Variants in RADIL observed in about 807,000 individuals in gnomAD.
RADIL encodes Rap associating with DIL domain, also known as ras-associating and dilute domain-containing protein.
A neutral mutation model predicts 97.6 loss-of-function variants in RADIL; 99 were observed. The observed-to-expected ratio is 1.01, with a 90% CI of 0.86 to 1.20. RADIL has a LOEUF of 1.20. Ranked by LOEUF, RADIL falls within the 50% of genes most tolerant of loss-of-function variation. The pLI, the probability that RADIL is intolerant of heterozygous loss-of-function variation, is 0.00. For missense variants in RADIL, 1,765 were observed against 1,498.9 expected (o/e 1.18, Z -2.93); for synonymous variants, 803 against 691.8 (o/e 1.16, Z -2.52).
chr7:4,824,208 G>A lies in RADIL; in HGVS notation c.1455-1654C>T, dbSNP rs1465372823. On this transcript the variant is annotated intron_variant, in intron 5 of 14. Transcript: ENST00000399583. The surrounding 1 kb of genome is among the most constrained non-coding windows in gnomAD (Gnocchi z 6.7). The stretch of plus-strand genomic sequence containing the variant: ...TTGTCACCTGTGTCCCTTACTGGGG[G>A]GATTCTAAGGGGTGAGCCAGGCAGC... 1.3e-5 allele frequency among the ~76,000 whole-genome samples: 2 copies of A among 152,350 alleles called. No individual in the cohort carries two copies. Among genetic ancestry groups the A allele is most frequent in the South Asian group, 2.1e-4 (1 of 4,830 alleles).
rs992258513 is a variant in RADIL at position 4,818,707 on chromosome 7, G to A, written c.1616-1356C>T. Among the ~76,000 whole-genome samples, 5 of 152,112 alleles carry A rather than the reference G, an allele frequency of 3.3e-5. No individual in the cohort carries two copies. Among genetic ancestry groups the A allele is most frequent in the Admixed American group, 1.3e-4 (2 of 15,282 alleles). Reference sequence around the variant, plus strand: ...GGGTCAGGAGGCTGAGCTCTGTCCCGTCCACCTGTCCTGGTGCCCTGACCC... The same window carrying A: ...GGGTCAGGAGGCTGAGCTCTGTCCCATCCACCTGTCCTGGTGCCCTGACCC... On this transcript the variant is annotated intron_variant, in intron 6 of 14. Coordinates refer to ENST00000399583, the MANE Select transcript of RADIL (RefSeq NM_018059.5). This position sits in a 1 kb window ranked among gnomAD's most constrained non-coding sequence, Gnocchi z 7.1.
intron 5 of RADIL, among the ~76,000 whole-genome samples, chr7:4,827,473 A>T (rs1050830983): frequency 2.6e-5 from 4 of 151,354 alleles, no homozygotes; most frequent in Admixed American, 1.3e-4. Context: ...CATCCTGGCT[A>T]ACACAGTGAA....
At chr7:4,868,370 T>C (rs893840313) in intron 2 of RADIL, among the ~76,000 whole-genome samples, 1 of 152,214 alleles carries the variant, frequency 6.6e-6, no homozygotes, top group African/African-American at 2.4e-5. Context: ...CCATGAACTG[T>C]TGTTTTTTAA....
At chr7:4,847,019 T>C (rs2115016525) in intron 2 of RADIL, among the ~76,000 whole-genome samples, 1 of 151,674 alleles carries the variant, frequency 6.6e-6, no homozygotes, top group African/African-American at 2.4e-5. Context: ...CTACCATGGT[T>C]ATAATAAAAA....
intron 2 of RADIL, among the ~76,000 whole-genome samples, chr7:4,839,315 T>C (rs1310941257): frequency 2.0e-5 from 3 of 152,222 alleles, no homozygotes; most frequent in Admixed American, 6.5e-5. Context: ...TTAGTACTGA[T>C]TTCTAATTTT....
intron 2 of RADIL, chr7:4,865,746 C>T: frequency 3.8e-6 from 4 of 1,065,682 alleles, no homozygotes; most frequent in Non-Finnish European, 5.8e-6. Context: ...GAGTGAACTT[C>T]AGAACCTGCT....
rs368180021 is a variant in RADIL at position 4,824,369 on chromosome 7, G to A, written c.1455-1815C>T. On this transcript the variant is annotated intron_variant, in intron 5 of 14. Coordinates refer to ENST00000399583, the MANE Select transcript of RADIL (RefSeq NM_018059.5). This position sits in a 1 kb window ranked among gnomAD's most constrained non-coding sequence, Gnocchi z 6.7. ...GTCCCAGGTGTGTGGACCCGGCCTGGGGTCCTTTGAAAGGTGCCAAGCCCA... is the reference window on the plus strand; with the variant it reads ...GTCCCAGGTGTGTGGACCCGGCCTGAGGTCCTTTGAAAGGTGCCAAGCCCA... Among the ~76,000 whole-genome samples the A allele has an allele frequency of 2.0e-5, 3 of 152,214 alleles. No homozygotes were observed. The East Asian group carries it at 5.8e-4, about 29-fold the overall frequency.
rs1470271262 is a variant in RADIL at position 4,813,184 on chromosome 7, G to A, written c.2139+2094C>T. Among the ~76,000 whole-genome samples, 3 of 151,366 alleles carry A rather than the reference G, an allele frequency of 2.0e-5. No homozygotes were observed. The highest frequency in any genetic ancestry group is 4.4e-5 in the Non-Finnish European group (3 of 67,922). On this transcript the variant is annotated intron_variant, in intron 9 of 14. Transcript: ENST00000399583. This position sits in a 1 kb window ranked among gnomAD's most constrained non-coding sequence, Gnocchi z 5.0. ...GCTGGAGTGCAGTGGTGTGATCATG[G>A]CTCACTGAAGCGTTTAATTCCTGGA...
intron 2 of RADIL, among the ~76,000 whole-genome samples, chr7:4,862,897 CA>C (rs11404610): frequency 9.0e-5 from 13 of 144,642 alleles, no homozygotes; most frequent in Non-Finnish European, 9.1e-5. Context: ...AACTCTGTCT[CA>C]AAAAAAAAAA....
Position 4,849,265 on chromosome 7 carries a change from C to T in RADIL, c.536-12660G>A, listed in dbSNP as rs1017639526. Among the ~76,000 whole-genome samples the T allele has an allele frequency of 1.6e-4, 24 of 152,118 alleles. No homozygotes were observed. Among genetic ancestry groups the T allele is most frequent in the African/African-American group, 5.3e-4 (22 of 41,498 alleles). ...AGAGAACTGCTGTTTTGCTTTTAAT[C>T]GGTAATGAGAAACTATTGCTTTAAC... On this transcript the variant is annotated intron_variant, in intron 2 of 14. Transcript: ENST00000399583. The surrounding 1 kb of genome is among the most constrained non-coding windows in gnomAD (Gnocchi z 5.4).
chr7:4,876,475 A>G (rs1258256630), intron 2 of RADIL, among the ~76,000 whole-genome samples: 2 of 151,716 alleles, frequency 1.3e-5, no homozygotes, highest in African/African-American at 4.9e-5. Context: ...TAATTTTTGT[A>G]TTTTTAGTAG....
In RADIL at chr7:4,817,146, C is replaced by G. The variant is rs1012300486; in HGVS notation, c.1728+93G>C. The G allele has an allele frequency of 5.3e-6, 6 of 1,137,102 alleles. No homozygotes were observed. Among genetic ancestry groups the G allele is most frequent in the African/African-American group, 3.1e-5 (2 of 64,412 alleles). 70.4% of individuals were successfully genotyped at this position (1,137,102 alleles called of 1,614,324 possible). On this transcript the variant is annotated intron_variant, in intron 7 of 14. Coordinates refer to ENST00000399583, the MANE Select transcript of RADIL (RefSeq NM_018059.5). This position sits in a 1 kb window ranked among gnomAD's most constrained non-coding sequence, Gnocchi z 8.3. The stretch of plus-strand genomic sequence containing the variant: ...GTCACGGTCCCCTCCCTCAGCCCCC[C>G]AGAAGGCTCCTTAGGAGAGCCACAG...
intron 2 of RADIL, among the ~76,000 whole-genome samples, chr7:4,875,575 C>T (rs1784357757): frequency 6.6e-6 from 1 of 152,196 alleles, no homozygotes; most frequent in Non-Finnish European, 1.5e-5. Flanking sequence ...GGCTGATCCC[C>T]AGCCACACAG....
chr7:4,816,914 G>A, intron 7 of RADIL, among the ~76,000 whole-genome samples: 1 of 152,298 alleles, frequency 6.6e-6, no homozygotes, highest in African/African-American at 2.4e-5. Flanking sequence ...TGACAACAGG[G>A]CCATGTCCCT....
At chr7:4,860,497 C>T in intron 2 of RADIL, 1 of 1,614,094 alleles carries the variant, frequency 6.2e-7, no homozygotes, top group Non-Finnish European at 8.5e-7. Flanking sequence ...ACCCAATCAC[C>T]CACATTGTAC....
intron 2 of RADIL, among the ~76,000 whole-genome samples, chr7:4,845,002 G>A (rs767945971): frequency 4.0e-5 from 6 of 151,030 alleles, no homozygotes; most frequent in Middle Eastern, 3.4e-3. Context: ...GAAAGGGACC[G>A]AATTAAGAAA....
Position 4,861,761 on chromosome 7 carries a change from G to A in RADIL, c.535+15844C>T, listed in dbSNP as rs1425722710. ...CGAGGAGACGCCGTAGCGATTCGGC[G>A]GCGGCGCCGGCTGCGGTGGTCCCTG... On this transcript the variant is annotated intron_variant, in intron 2 of 14. Transcript: ENST00000399583. 7 of 1,486,438 alleles carry A rather than the reference G, an allele frequency of 4.7e-6. No homozygotes were observed. Among genetic ancestry groups the A allele is most frequent in the African/African-American group, 1.4e-5 (1 of 70,260 alleles). The allele number at this position is 1,486,438 out of a possible 1,614,324, so 92.1% of individuals were successfully genotyped here. A position where few individuals can be genotyped will look rare whatever the true frequency, so the allele number is the denominator to read the frequency against.
Position 4,813,074 on chromosome 7 carries a change from TTCTCTCTCTCTC to T in RADIL, c.2139+2192_2139+2203del, listed in dbSNP as rs201029653. 1.4e-5 allele frequency among the ~76,000 whole-genome samples: 2 copies of T among 147,796 alleles called. No homozygotes were observed. Among genetic ancestry groups the T allele is most frequent in the African/African-American group, 5.0e-5 (2 of 39,882 alleles). ...TTCATCCTTACCCCAAGGTTCTTCT[TTCTCTCTCTCTC>T]TCTCTCTCTCTCTCTTTCCTTTCTT... On this transcript the variant is annotated intron_variant, in intron 9 of 14. Coordinates refer to ENST00000399583, the MANE Select transcript of RADIL (RefSeq NM_018059.5). This position sits in a 1 kb window ranked among gnomAD's most constrained non-coding sequence, Gnocchi z 5.0.
In RADIL at chr7:4,852,615, A is replaced by AT. The variant is rs113516605; in HGVS notation, c.536-16011dup. 7.4e-4 allele frequency among the ~76,000 whole-genome samples: 113 copies of AT among 152,138 alleles called. 2 individuals carry two copies. The highest frequency in any genetic ancestry group is 3.4e-3 in the Middle Eastern group (1 of 294). ...AGGTGTGTGACACCATGCCTGACTA[A>AT]TTTTTTATTTTTTGTAGAGATGGGG... On this transcript the variant is annotated intron_variant, in intron 2 of 14. Coordinates refer to ENST00000399583, the MANE Select transcript of RADIL (RefSeq NM_018059.5).
Sources: gnomAD v4.1 joint callset for allele counts (sites outside exome capture counted in the v4.1 genomes callset) on GRCh38, gnomAD v4.1.1 for gene constraint, Gnocchi (gnomAD v3.1) non-coding constraint, MANE v1.5 for transcripts, NCBI Gene and HGNC (gene_info 2026-07-23, HGNC 2026-07-21) for gene names.